NAA15: variants seen among roughly 807,000 people sequenced by gnomAD.
NAA15 encodes the protein N-alpha-acetyltransferase 15, NatA auxiliary subunit.
NAA15 carries 34 observed loss-of-function variants against 114.0 expected under a neutral mutation model. The observed-to-expected ratio is 0.30, with a 90% CI of 0.23 to 0.40. The LOEUF is 0.40. Among genes scored for constraint, NAA15 ranks in the 10% least tolerant of loss-of-function variants. The pLI is 1.00. For synonymous variants in NAA15, 340 were observed against 338.0 expected, an observed-to-expected ratio of 1.01 and a Z score of -0.06; for missense variants, 658 against 1,004.5, an observed-to-expected ratio of 0.66 and a Z score of 4.66.
At chr4:139,344,403 C>G (rs778748701) in intron 6 of NAA15, 64 bp downstream of exon 6, 4 of 1,315,852 alleles carry the variant, frequency 3.0e-6, no homozygotes, top group Non-Finnish European at 4.2e-6. Flanking sequence ...GCTGAAAAAT[C>G]TAGTTGCTGC....
intron 14 of NAA15, among the ~76,000 whole-genome samples, chr4:139,363,423 A>G (rs190541428): frequency 6.6e-5 from 10 of 152,232 alleles, no homozygotes; most frequent in Admixed American, 5.9e-4. Context: ...ATACACATGC[A>G]TTTCAGGATG....
chr4:139,330,244 T>C (rs1383735903), intron 1 of NAA15, among the ~76,000 whole-genome samples: 1 of 152,222 alleles, frequency 6.6e-6, no homozygotes, highest in Non-Finnish European at 1.5e-5. Context: ...TTAATTATGT[T>C]AGTCTTTACA....
At chr4:139,374,262 C>T (rs1748523059) in intron 15 of NAA15, among the ~76,000 whole-genome samples, 2 of 152,292 alleles carry the variant, frequency 1.3e-5, no homozygotes, top group East Asian at 1.9e-4. Flanking sequence ...AAGTGCAGTG[C>T]AGTCTCATCC....
chr4:139,387,970 T>C lies in NAA15; in HGVS notation c.2487T>C (p.His829=), dbSNP rs780966436. 11 of 1,614,078 alleles carry C rather than the reference T, an allele frequency of 6.8e-6. No individual in the cohort carries two copies. The highest frequency in any genetic ancestry group is 9.3e-6 in the Non-Finnish European group (11 of 1,179,962). Reference sequence around the variant, plus strand: ...CTGAAATTTATAGAGCAAATTGTCATAAGCTTTTCCCTTATGCTTTGGCTT... The same window carrying C: ...CTGAAATTTATAGAGCAAATTGTCACAAGCTTTTCCCTTATGCTTTGGCTT... ...EAAEIYRANC[H]KLFPYALAFM... The change falls in exon 20 of 20, where the codon CAT becomes CAC. Residue 829 remains histidine, a synonymous_variant. Transcript: ENST00000296543.
In NAA15 at chr4:139,301,628, G is replaced by A. The variant is rs935807703; in HGVS notation, c.-150G>A. 12 of 804,182 alleles carry A rather than the reference G, an allele frequency of 1.5e-5. No homozygotes were observed. The highest frequency in any genetic ancestry group is 1.7e-5 in the South Asian group (1 of 58,492). 49.8% of individuals were successfully genotyped at this position (804,182 alleles called of 1,614,324 possible). On this transcript the variant is annotated 5_prime_UTR_variant, in exon 1 of 20. Coordinates refer to ENST00000296543, the MANE Select transcript of NAA15 (RefSeq NM_057175.5). ...CAACGAGGAAAAAGGAGGTGTCCGG[G>A]TAGGGCAACGCGGCGACACCCGAGG... is the stretch of plus-strand genomic sequence containing the variant.
At chr4:139,380,416 A>G (rs747953764) in intron 17 of NAA15, among the ~76,000 whole-genome samples, 30 of 152,332 alleles carry the variant, frequency 2.0e-4, no homozygotes, top group Non-Finnish European at 1.9e-4. Flanking sequence ...TACTTTATAC[A>G]TATTTTCCTG....
chr4:139,311,091 A>T (rs939342671), intron 1 of NAA15, among the ~76,000 whole-genome samples: 4 of 151,660 alleles, frequency 2.6e-5, no homozygotes, highest in African/African-American at 9.7e-5. Context: ...TGCCTGGCTA[A>T]ACAGGTGTCC....
chr4:139,315,078 T>TAGTTTAG (rs1253703101), intron 1 of NAA15, among the ~76,000 whole-genome samples: 1 of 144,972 alleles, frequency 6.9e-6, no homozygotes, highest in African/African-American at 2.6e-5. Context: ...TAGTTTAGTT[T>TAGTTTAG]TTGAGACGGA....
chr4:139,386,272 A>G (rs1260753571), intron 19 of NAA15, 42 bp downstream of exon 19: 2 of 1,096,790 alleles, frequency 1.8e-6, no homozygotes, highest in South Asian at 1.3e-5. Context: ...ATACTTAACT[A>G]CTTTTTTCAC....
At chr4:139,360,666 C>A in intron 13 of NAA15, 38 bp downstream of exon 13, 1 of 1,535,914 alleles carries the variant, frequency 6.5e-7, no homozygotes. Flanking sequence ...TTGTTTTATT[C>A]TGTCGATGGT....
intron 15 of NAA15, among the ~76,000 whole-genome samples, chr4:139,372,432 A>G (rs932406970): frequency 4.6e-5 from 7 of 152,204 alleles, no homozygotes; most frequent in African/African-American, 1.7e-4. Context: ...TAATGGCTAC[A>G]AACGGTGCTT....
chr4:139,303,916 T>TAAAAAG (rs1408989528), intron 1 of NAA15, among the ~76,000 whole-genome samples: 2 of 152,118 alleles, frequency 1.3e-5, no homozygotes, highest in Non-Finnish European at 2.9e-5. Flanking sequence ...GTGTTAGCAC[T>TAAAAAG]TTTTTTTGTT....
intron 17 of NAA15, 140 bp from the exon 18 acceptor site, chr4:139,384,692 C>A: frequency 2.2e-6 from 1 of 464,766 alleles, no homozygotes; most frequent in Non-Finnish European, 3.5e-6. Flanking sequence ...AAGGTTGAGG[C>A]TACAGTGAGC....
chr4:139,315,006 T>TTTAGTTTAGGTTAGG (rs773285130), intron 1 of NAA15, among the ~76,000 whole-genome samples: 1,390 of 101,418 alleles, frequency 0.014, 70 homozygotes, highest in Non-Finnish European at 0.018. Context: ...TTCAGTTTAG[T>TTTAGTTTAGGTTAGG]TTAGGTTAGG....
chr4:139,322,667 C>T (rs1245411478), intron 1 of NAA15, among the ~76,000 whole-genome samples: 1 of 152,104 alleles, frequency 6.6e-6, no homozygotes, highest in Non-Finnish European at 1.5e-5. Context: ...ACCTGTTCAG[C>T]CTACTCTGTG....
chr4:139,372,926 AC>A (rs1481902701), intron 15 of NAA15, among the ~76,000 whole-genome samples: 1 of 151,926 alleles, frequency 6.6e-6, no homozygotes, highest in East Asian at 1.9e-4. Context: ...TTGCTCTGTC[AC>A]CCAGGCTAGA....
At position 139,315,006 on chromosome 4, in the gene NAA15, T is replaced by TTTAGTTTAGTTTAGTTTAGGTTAGG. The variant is rs773285130; in HGVS notation, c.54+13179_54+13180insTTTAGTTTAGTTTAGGTTAGGTTAG. Among the ~76,000 whole-genome samples, 157 of 101,526 alleles carry TTTAGTTTAGTTTAGTTTAGGTTAGG rather than the reference T, an allele frequency of 1.5e-3. 8 individuals carry two copies. Among genetic ancestry groups the TTTAGTTTAGTTTAGTTTAGGTTAGG allele is most frequent in the South Asian group, 0.013 (43 of 3,196 alleles). The allele number at this position is 101,526 out of a possible 152,430, so 66.6% of individuals were successfully genotyped here. A position where few individuals can be genotyped will look rare whatever the true frequency, so the allele number is the denominator to read the frequency against. ...AAGCGTTCAGTTCAGTTCAGTTTAGTTTAGGTTAGGTTAGGTTAGGTTAGG... is the reference window on the plus strand; with the variant it reads ...AAGCGTTCAGTTCAGTTCAGTTTAGTTTAGTTTAGTTTAGTTTAGGTTAGGTTAGGTTAGGTTAGGTTAGGTTAGG... On this transcript the variant is annotated intron_variant, in intron 1 of 19. Coordinates refer to ENST00000296543, the MANE Select transcript of NAA15 (RefSeq NM_057175.5).
chr4:139,347,533 G>T (rs1332280362), intron 6 of NAA15, among the ~76,000 whole-genome samples: 5 of 152,170 alleles, frequency 3.3e-5, no homozygotes, highest in Admixed American at 3.3e-4. Flanking sequence ...AGCTATTCAG[G>T]AGGCTGCCGT....
chr4:139,339,497 TTAAAAAACGCAA>T (rs1180592488), intron 3 of NAA15, among the ~76,000 whole-genome samples: 5 of 151,216 alleles, frequency 3.3e-5, no homozygotes, highest in African/African-American at 1.2e-4. Flanking sequence ...ACCATCTCTT[TTAAAAAACGCAA>T]TAATTAGGAG....
Sources: allele counts gnomAD v4.1 joint callset (sites outside exome capture counted in the v4.1 genomes callset), GRCh38; gene constraint gnomAD v4.1.1; transcripts MANE v1.5; gene names NCBI Gene and HGNC (gene_info 2026-07-23, HGNC 2026-07-21).